The following AMER1 variants were observed in gnomAD, a reference collection of about 807,000 sequenced individuals.
AMER1 encodes the protein APC membrane recruitment protein 1.
AMER1 carries 16 observed loss-of-function variants against 53.0 expected under a neutral mutation model. The ratio of observed to expected loss-of-function variants is 0.30; its 90% confidence interval spans 0.20 to 0.46. AMER1 has a LOEUF of 0.46. Ranked by LOEUF, AMER1 falls within the 20% of genes least tolerant of loss-of-function variation. AMER1 has a pLI of 1.00. For missense variants in AMER1, 947 were observed against 884.9 expected, an observed-to-expected ratio of 1.07 and a Z score of -0.89; for synonymous variants, 354 against 331.9, an observed-to-expected ratio of 1.07 and a Z score of -0.73.
intron 1 of AMER1, among the ~76,000 whole-genome samples, chrX:64,194,739 T>C (rs1388890519): frequency 1.8e-5 from 2 of 111,566 alleles, no homozygotes; most frequent in African/African-American, 6.5e-5. Context: ...CTGTGATTGC[T>C]TGCCATAATA....
chrX:64,186,633 C>T lies in AMER1; in HGVS notation c.*3246G>A, dbSNP rs1930117196. 1.3e-6 allele frequency: 1 copy of T among 773,684 alleles called. No individual in the cohort carries two copies. Among genetic ancestry groups the T allele is most frequent in the Non-Finnish European group, 1.5e-6 (1 of 650,807 alleles). 63.8% of individuals were successfully genotyped at this position (773,684 alleles called of 1,213,427 possible). A position where few individuals can be genotyped will look rare whatever the true frequency, so the allele number is the denominator to read the frequency against. On this transcript the variant is annotated 3_prime_UTR_variant, in exon 2 of 2. Coordinates refer to ENST00000374869, the MANE Select transcript of AMER1 (RefSeq NM_152424.4). ...CACCCAGCCTCCTGAGTGTGTGAAG[C>T]TACTTCCCTTCTTGGCATAGGACTA...
intron 1 of AMER1, among the ~76,000 whole-genome samples, chrX:64,199,970 C>G (rs764689649): frequency 8.9e-6 from 1 of 112,572 alleles, no homozygotes; most frequent in African/African-American, 3.2e-5. Flanking sequence ...ATGTGGTCAC[C>G]CAGATACCAC....
chrX:64,193,531 A>G (rs757659121), intron 1 of AMER1, 147 bp from the exon 2 acceptor site: 63 of 449,749 alleles, frequency 1.4e-4, no homozygotes, highest in Non-Finnish European at 2.1e-4. Flanking sequence ...TCCACTCGAT[A>G]TGCTTGGCTT....
Position 64,188,246 on chromosome X carries a change from A to G in AMER1, c.*1633T>C. ...GGGATGTGAGGGCGAGGGTGCAATAATCATAATTTGAGTGAACACAGCCAA... is the reference window on the plus strand; with the variant it reads ...GGGATGTGAGGGCGAGGGTGCAATAGTCATAATTTGAGTGAACACAGCCAA... On this transcript the variant is annotated 3_prime_UTR_variant, in exon 2 of 2. Transcript: ENST00000374869. 1.2e-6 allele frequency: 1 copy of G among 803,317 alleles called. No homozygotes were observed. The highest frequency in any genetic ancestry group is 1.5e-6 in the Non-Finnish European group (1 of 669,239). The allele number at this position is 803,317 out of a possible 1,213,427, so 66.2% of individuals were successfully genotyped here.
Position 64,187,069 on chromosome X carries a change from T to C in AMER1, c.*2810A>G. ...GGAGGTGTGGACATGATATCAACAGTTTTAGTGGTCTGGGGTGTATTTGCT... is the reference window on the plus strand; with the variant it reads ...GGAGGTGTGGACATGATATCAACAGCTTTAGTGGTCTGGGGTGTATTTGCT... On this transcript the variant is annotated 3_prime_UTR_variant, in exon 2 of 2. Transcript: ENST00000374869. 1.5e-5 allele frequency: 12 copies of C among 782,131 alleles called. No homozygotes were observed. Among genetic ancestry groups the C allele is most frequent in the Non-Finnish European group, 1.8e-5 (12 of 656,011 alleles). 64.5% of individuals were successfully genotyped at this position (782,131 alleles called of 1,213,427 possible).
In AMER1 at chrX:64,190,971, G is replaced by A. The variant is rs771905825; in HGVS notation, c.2316C>T (p.Ala772=). 4 of 1,211,226 alleles carry A rather than the reference G, an allele frequency of 3.3e-6. No homozygotes were observed. In the Admixed American group the frequency reaches 8.7e-5, roughly 26 times the overall value. ...TCCCATTGCTGGTGAACTCTACCAG[G>A]GCCTGTGAGAAACTCACAGTGGCAT... The part of the protein sequence containing the change: ...EGNATVSFSQ[A]LVEFTSNGNL... The change falls in exon 2 of 2, where the codon GCC becomes GCT. Residue 772 remains alanine (A), a synonymous_variant. Coordinates refer to ENST00000374869, the MANE Select transcript of AMER1 (RefSeq NM_152424.4).
In AMER1 at chrX:64,189,793, A is replaced by AGGGGGGGGGGCC; in HGVS notation, c.*85_*86insGGCCCCCCCCCC. ...CAAAGGGTTTTCAAGTTAAACAACA[A>AGGGGGGGGGGCC]CCCCCACCCCCCCACCCTTCTGCCC... is the stretch of plus-strand genomic sequence containing the variant. On this transcript the variant is annotated 3_prime_UTR_variant, in exon 2 of 2. Coordinates refer to ENST00000374869, the MANE Select transcript of AMER1 (RefSeq NM_152424.4). 1 of 292,071 alleles carries AGGGGGGGGGGCC rather than the reference A, an allele frequency of 3.4e-6. No homozygotes were observed. Among genetic ancestry groups the AGGGGGGGGGGCC allele is most frequent in the Non-Finnish European group, 4.9e-6 (1 of 204,831 alleles). 24.1% of individuals were successfully genotyped at this position (292,071 alleles called of 1,213,427 possible). A position where few individuals can be genotyped will look rare whatever the true frequency, so the allele number is the denominator to read the frequency against.
At position 64,187,882 on chromosome X, in the gene AMER1, C is replaced by G; in HGVS notation, c.*1997G>C. 1 of 777,409 alleles carries G rather than the reference C, an allele frequency of 1.3e-6. No individual in the cohort carries two copies. Among genetic ancestry groups the G allele is most frequent in the Non-Finnish European group, 1.5e-6 (1 of 652,976 alleles). The allele number at this position is 777,409 out of a possible 1,213,427, so 64.1% of individuals were successfully genotyped here. A position where few individuals can be genotyped will look rare whatever the true frequency, so the allele number is the denominator to read the frequency against. On this transcript the variant is annotated 3_prime_UTR_variant, in exon 2 of 2. Coordinates refer to ENST00000374869, the MANE Select transcript of AMER1 (RefSeq NM_152424.4). ...TCATTCTCCAGCTCCACAACAGATA[C>G]ATTTCTTCACAATGTATCTGTAGCC...
chrX:64,204,621 A>G (rs1307165877), intron 1 of AMER1, among the ~76,000 whole-genome samples: 1 of 113,364 alleles, frequency 8.8e-6, no homozygotes, highest in African/African-American at 3.2e-5. Context: ...CCGTACTACA[A>G]TGAGGGCTCC....
intron 1 of AMER1, 29 bp downstream of exon 1, chrX:64,205,541 G>A (rs903743721): frequency 8.8e-6 from 1 of 113,023 alleles, no homozygotes; most frequent in Non-Finnish European, 1.9e-5. Context: ...GCGGGCAGGC[G>A]GAGGCTCCTG....
Position 64,193,019 on chromosome X carries a change from G to C in AMER1, c.268C>G (p.Leu90Val), listed in dbSNP as rs781369600. The change falls in exon 2 of 2, where the codon CTC (leucine) becomes GTC (valine). Residue 90 changes from leucine (L) to valine (V), a missense_variant. Leu to Val is a conservative substitution (Grantham distance 32). Transcript: ENST00000374869. The part of the protein sequence containing the change: ...GSGKGSSKKG[L>V]SKSKTHDGLS... ...CCATCGTGGGTCTTGCTCTTGCTGA[G>C]ACCTTTCTTGGAGCTGCCTTTCCCA... 3 of 1,210,074 alleles carry C rather than the reference G, an allele frequency of 2.5e-6. No individual in the cohort carries two copies. The highest frequency in any genetic ancestry group is 3.5e-5 in the African/African-American group (2 of 57,235).
chrX:64,202,690 C>G (rs1444559858), intron 1 of AMER1, among the ~76,000 whole-genome samples: 1 of 111,731 alleles, frequency 9.0e-6, no homozygotes, highest in Non-Finnish European at 1.9e-5. Context: ...GTAGCCTGCC[C>G]GCAGCTCTAC....
chrX:64,200,028 G>T (rs1389399670), intron 1 of AMER1, among the ~76,000 whole-genome samples: 1 of 112,523 alleles, frequency 8.9e-6, no homozygotes, highest in Non-Finnish European at 1.9e-5. Context: ...AGTGCCCCAG[G>T]TTCCTCCTCA....
At chrX:64,197,765 A>G (rs1930405542) in intron 1 of AMER1, among the ~76,000 whole-genome samples, 1 of 111,817 alleles carries the variant, frequency 8.9e-6, no homozygotes, top group South Asian at 3.7e-4. Flanking sequence ...GCTGGAATCA[A>G]CTCTGCCCAG....
At chrX:64,194,456 T>C (rs1259909721) in intron 1 of AMER1, among the ~76,000 whole-genome samples, 2 of 111,175 alleles carry the variant, frequency 1.8e-5, no homozygotes, top group Non-Finnish European at 3.8e-5. Context: ...CCAACAGAGA[T>C]GGAATAAAAA....
chrX:64,199,744 C>T (rs1387800361), intron 1 of AMER1, among the ~76,000 whole-genome samples: 2 of 111,614 alleles, frequency 1.8e-5, no homozygotes, highest in African/African-American at 3.3e-5. Context: ...TCATCCTGTA[C>T]GTTGTTGCCA....
Position 64,185,837 on chromosome X carries a change from G to T in AMER1, c.*4042C>A. ...AGATGGTAAATTCCTGATAGTGCAA[G>T]CATCATTGTCATCTGTCTCCCACAG... is the stretch of plus-strand genomic sequence containing the variant. On this transcript the variant is annotated 3_prime_UTR_variant, in exon 2 of 2. Coordinates refer to ENST00000374869, the MANE Select transcript of AMER1 (RefSeq NM_152424.4). 1 of 281,414 alleles carries T rather than the reference G, an allele frequency of 3.6e-6. No homozygotes were observed. The highest frequency in any genetic ancestry group is 5.7e-5 in the East Asian group (1 of 17,696). 23.2% of individuals were successfully genotyped at this position (281,414 alleles called of 1,213,427 possible).
At position 64,192,453 on chromosome X, in the gene AMER1, G is replaced by A. The variant is rs1930271103; in HGVS notation, c.834C>T (p.Ala278=). The part of the protein sequence containing the change: ...AHVQPKPAPE[A]SSLEEPHSPE... ...GGCTATGGGGCTCCTCTAGGCTACT[G>A]GCTTCAGGGGCAGGCTTGGGTTGCA... is the stretch of plus-strand genomic sequence containing the variant. The change falls in exon 2 of 2, where the codon GCC becomes GCT. Residue 278 remains alanine (A), a synonymous_variant. Transcript: ENST00000374869. The A allele has an allele frequency of 8.3e-7, 1 of 1,204,979 alleles. No homozygotes were observed. Among genetic ancestry groups the A allele is most frequent in the Non-Finnish European group, 1.1e-6 (1 of 892,613 alleles).
chrX:64,203,945 C>G (rs1304976758), intron 1 of AMER1, among the ~76,000 whole-genome samples: 1 of 111,730 alleles, frequency 9.0e-6, no homozygotes, highest in Non-Finnish European at 1.9e-5. Context: ...TAGCCTTCCC[C>G]CAAGTGAGGA....
Sources: allele counts gnomAD v4.1 joint callset (sites outside exome capture counted in the v4.1 genomes callset), GRCh38; gene constraint gnomAD v4.1.1; transcripts MANE v1.5; gene names NCBI Gene and HGNC (gene_info 2026-07-23, HGNC 2026-07-21).